PARD3B: variants seen among roughly 807,000 people sequenced by gnomAD.
PARD3B encodes par-3 family cell polarity regulator beta.
Under a neutral mutation model 130.2 loss-of-function variants are expected in PARD3B, and 103 were observed. That is an observed-to-expected ratio of 0.79 (90% CI 0.67 to 0.93). The LOEUF (loss-of-function observed/expected upper bound fraction) is 0.93, where lower values mean the gene tolerates loss of function less well. Among genes scored for constraint, PARD3B ranks in the 40% least tolerant of loss-of-function variants. PARD3B has a pLI of 0.00. For missense variants in PARD3B, 1,609 were observed against 1,499.2 expected (o/e 1.07, Z -1.21); for synonymous variants, 583 against 553.2 (o/e 1.05, Z -0.76).
At chr2:204,875,247 A>G (rs1575185867) in intron 2 of PARD3B, among the ~76,000 whole-genome samples, 2 of 152,046 alleles carry the variant, frequency 1.3e-5, no homozygotes, top group South Asian at 4.1e-4. Context: ...ATTGGCAGTC[A>G]CTCTCCATTC....
chr2:205,560,630 C>G (rs2053096901), intron 22 of PARD3B, among the ~76,000 whole-genome samples: 1 of 152,174 alleles, frequency 6.6e-6, no homozygotes, highest in Non-Finnish European at 1.5e-5. Flanking sequence ...GAGAAAGACT[C>G]CCTTTCCTGA....
At chr2:204,566,045 G>A (rs1452267494) in intron 1 of PARD3B, among the ~76,000 whole-genome samples, 1 of 152,194 alleles carries the variant, frequency 6.6e-6, no homozygotes, top group Non-Finnish European at 1.5e-5. Flanking sequence ...TACAATGACT[G>A]CTAGTATAGT....
intron 22 of PARD3B, among the ~76,000 whole-genome samples, chr2:205,569,828 ACTT>A (rs756662740): frequency 1.3e-5 from 2 of 152,140 alleles, no homozygotes; most frequent in South Asian, 2.1e-4. Flanking sequence ...TCAAAATGGT[ACTT>A]CTTCTTGCAA....
At chr2:204,800,462 T>G (rs907743415) in intron 2 of PARD3B, among the ~76,000 whole-genome samples, 2 of 152,068 alleles carry the variant, frequency 1.3e-5, no homozygotes, top group African/African-American at 4.8e-5. Flanking sequence ...AGGTAAAAAG[T>G]TTATTCAAAT....
At chr2:204,756,320 A>G (rs2040672169) in intron 2 of PARD3B, among the ~76,000 whole-genome samples, 1 of 152,142 alleles carries the variant, frequency 6.6e-6, no homozygotes, top group South Asian at 2.1e-4. Flanking sequence ...GTGTGGCCCT[A>G]TCTTTGTATG....
chr2:204,547,111 A>C (rs1044231354), intron 1 of PARD3B, among the ~76,000 whole-genome samples: 4 of 152,228 alleles, frequency 2.6e-5, no homozygotes, highest in Admixed American at 6.5e-5. Context: ...TGACTAAAAT[A>C]GTGGGTTGGT....
chr2:205,346,233 C>T (rs896932011), intron 18 of PARD3B, among the ~76,000 whole-genome samples: 31 of 150,904 alleles, frequency 2.1e-4, no homozygotes, highest in African/African-American at 7.3e-4. Context: ...CATATAAATG[C>T]AGATTCCTGG....
intron 2 of PARD3B, among the ~76,000 whole-genome samples, chr2:204,935,400 A>G (rs369280805): frequency 1.9e-4 from 28 of 149,298 alleles, no homozygotes; most frequent in Admixed American, 4.7e-4. Flanking sequence ...TTAGCCTGGC[A>G]TGGTGACGGG....
chr2:205,333,036 C>A (rs1040067958), intron 18 of PARD3B, among the ~76,000 whole-genome samples: 2 of 151,914 alleles, frequency 1.3e-5, no homozygotes, highest in African/African-American at 4.8e-5. Context: ...TAATAGTTAA[C>A]TCATGAATGT....
intron 2 of PARD3B, among the ~76,000 whole-genome samples, chr2:204,924,664 T>A (rs1687444707): frequency 6.6e-6 from 1 of 152,076 alleles, no homozygotes; most frequent in Admixed American, 6.6e-5. Flanking sequence ...ATAGAAATGC[T>A]GAATATTAGA....
intron 18 of PARD3B, among the ~76,000 whole-genome samples, chr2:205,364,276 A>G (rs2668152): frequency 0.2 from 30,026 of 152,080 alleles, 3,831 homozygotes; most frequent in African/African-American, 0.37. Flanking sequence ...TCCTATATGC[A>G]CTTCCTAGAG....
At chr2:204,638,471 A>T (rs1399246077) in intron 1 of PARD3B, among the ~76,000 whole-genome samples, 1 of 152,226 alleles carries the variant, frequency 6.6e-6, no homozygotes, top group East Asian at 1.9e-4. Context: ...CACATTGTGT[A>T]TTACTGATCG....
In PARD3B at chr2:205,054,319, C is replaced by T. The variant is rs188647834; in HGVS notation, c.504+6629C>T. ...TGCTCCCCGATTTTTCTTCTTGGGT[C>T]TTAGTCTAACACTGAAAAACTCTAA... On this transcript the variant is annotated intron_variant, in intron 4 of 22. Coordinates refer to ENST00000406610, the MANE Select transcript of PARD3B (RefSeq NM_001302769.2). Among the ~76,000 whole-genome samples the T allele has an allele frequency of 7.6e-5, 11 of 145,512 alleles. No individual in the cohort carries two copies. In the East Asian group the frequency reaches 2.1e-3, roughly 27 times the overall value.
chr2:204,961,877 T>C (rs1204677884), intron 2 of PARD3B, among the ~76,000 whole-genome samples: 3 of 151,634 alleles, frequency 2.0e-5, no homozygotes, highest in East Asian at 3.9e-4. Flanking sequence ...TTCAGTGGAG[T>C]TGAGGGGTGA....
At chr2:204,921,784 A>G (rs1330345218) in intron 2 of PARD3B, among the ~76,000 whole-genome samples, 1 of 152,138 alleles carries the variant, frequency 6.6e-6, no homozygotes. Context: ...AGAATTAGAG[A>G]AGAAACAGAA....
intron 2 of PARD3B, among the ~76,000 whole-genome samples, chr2:204,912,140 T>G (rs968109187): frequency 2.4e-4 from 36 of 152,290 alleles, no homozygotes; most frequent in African/African-American, 8.7e-4. Flanking sequence ...GGTTATTCAT[T>G]TAATTTTCTG....
chr2:205,495,466 A>G (rs1470258076), intron 20 of PARD3B, among the ~76,000 whole-genome samples: 2 of 152,198 alleles, frequency 1.3e-5, no homozygotes, highest in Non-Finnish European at 2.9e-5. Flanking sequence ...TTAAACTAAC[A>G]ATGTGGAGAT....
intron 10 of PARD3B, among the ~76,000 whole-genome samples, chr2:205,147,609 T>C (rs1559484545): frequency 6.6e-6 from 1 of 152,164 alleles, no homozygotes; most frequent in Non-Finnish European, 1.5e-5. Context: ...GGGATGGGTT[T>C]TTAAAAACAT....
Position 205,199,087 on chromosome 2 carries a change from T to C in PARD3B, c.2140+5767T>C, listed in dbSNP as rs372240692. ...ATGAAGTCAGCTATATACTTTAAGC[T>C]CTAGTAAGTCAAAATAAAGGAATTA... is the stretch of plus-strand genomic sequence containing the variant. On this transcript the variant is annotated intron_variant, in intron 15 of 22. Coordinates refer to ENST00000406610, the MANE Select transcript of PARD3B (RefSeq NM_001302769.2). 9.2e-5 allele frequency among the ~76,000 whole-genome samples: 14 copies of C among 152,264 alleles called. No homozygotes were observed. The East Asian group carries it at 2.7e-3, about 29-fold the overall frequency.
Sources: gnomAD v4.1 joint callset for allele counts (sites outside exome capture counted in the v4.1 genomes callset) on GRCh38, gnomAD v4.1.1 for gene constraint, MANE v1.5 for transcripts, NCBI Gene and HGNC (gene_info 2026-07-23, HGNC 2026-07-21) for gene names.